Variants in PPP6C observed in about 807,000 individuals in gnomAD.
PPP6C encodes protein phosphatase 6 catalytic subunit, also known as serine/threonine-protein phosphatase 6 catalytic subunit.
In PPP6C, 11 loss-of-function variants were observed where a neutral mutation model predicts 39.8. The ratio of observed to expected loss-of-function variants is 0.28; its 90% CI spans 0.17 to 0.46. The LOEUF (loss-of-function observed/expected upper bound fraction) is 0.46, where lower values mean the gene tolerates loss of function less well. Ranked by LOEUF, PPP6C falls within the 20% of genes least tolerant of loss-of-function variation. PPP6C has a pLI of 1.00. For synonymous variants in PPP6C, 129 were observed against 130.3 expected, an observed-to-expected ratio of 0.99 and a Z score of 0.07; for missense variants, 211 against 373.9, an observed-to-expected ratio of 0.56 and a Z score of 3.59.
In PPP6C at chr9:125,188,970, A is replaced by C. The variant is rs1383624769; in HGVS notation, c.75+674T>G. The C allele has an allele frequency of 2.6e-6, 4 of 1,538,066 alleles. No individual in the cohort carries two copies. In the African/African-American group the frequency reaches 5.5e-5, roughly 21 times the overall value. On this transcript the variant is annotated intron_variant, in intron 1 of 6. Transcript: ENST00000373547. ...ATACTGAGTTAAGAAGGGGTTAAGG[A>C]GAAAGTATTTGTATTTATTGAGAAC...
intron 1 of PPP6C, among the ~76,000 whole-genome samples, chr9:125,181,146 C>T (rs1409418936): frequency 2.0e-5 from 3 of 152,130 alleles, no homozygotes; most frequent in African/African-American, 7.2e-5. Context: ...TCACTATAAA[C>T]GCTACGTGAC....
rs1164707456 is a variant in PPP6C, at chr9:125,153,551, T to G, written c.651A>C (p.Gly217=). The change falls in exon 6 of 7, where the codon GGA becomes GGC. Residue 217 remains glycine, a synonymous_variant. Coordinates refer to ENST00000373547, the MANE Select transcript of PPP6C (RefSeq NM_002721.5). ...GCTTTACCTCATTTGTGACCTTTGCTCCAAAAAGCCAACCTGCTCCTCGGG... is the reference window on the plus strand; with the variant it reads ...GCTTTACCTCATTTGTGACCTTTGCGCCAAAAAGCCAACCTGCTCCTCGGG... The part of the protein sequence containing the change: ...ISPRGAGWLF[G]AKVTNEFVHI... The G allele has an allele frequency of 6.2e-7, 1 of 1,613,970 alleles. No individual in the cohort carries two copies. Among genetic ancestry groups the G allele is most frequent in the Non-Finnish European group, 8.5e-7 (1 of 1,180,018 alleles).
intron 1 of PPP6C, 136 bp downstream of exon 1, chr9:125,189,508 G>A (rs1265996071): frequency 2.5e-5 from 37 of 1,480,276 alleles, no homozygotes; most frequent in Non-Finnish European, 3.1e-5. Context: ...ACGCCGGGTA[G>A]GACCGGGTCG....
At chr9:125,171,502 T>C (rs1462869936) in intron 1 of PPP6C, among the ~76,000 whole-genome samples, 2 of 104,804 alleles carry the variant, frequency 1.9e-5, no homozygotes, top group South Asian at 3.2e-4. Context: ...TATATATATA[T>C]ATATATATAT....
intron 3 of PPP6C, among the ~76,000 whole-genome samples, chr9:125,159,839 T>G (rs1257816176): frequency 2.0e-5 from 3 of 152,124 alleles, no homozygotes; most frequent in Non-Finnish European, 2.9e-5. Context: ...CTGGCCAACA[T>G]AGTGAAATCC....
chr9:125,184,886 G>A (rs1032393117), intron 1 of PPP6C, among the ~76,000 whole-genome samples: 3 of 146,048 alleles, frequency 2.1e-5, no homozygotes, highest in Non-Finnish European at 4.5e-5. Flanking sequence ...AGAACTGCTT[G>A]AACCCAGGAG....
At chr9:125,171,454 CACAT>C (rs1703738722) in intron 1 of PPP6C, among the ~76,000 whole-genome samples, 1 of 81,854 alleles carries the variant, frequency 1.2e-5, no homozygotes, top group Admixed American at 1.6e-4. Context: ...AACACACACA[CACAT>C]ATACACACAC....
chr9:125,178,293 C>T (rs1218184408), intron 1 of PPP6C, among the ~76,000 whole-genome samples: 1 of 152,176 alleles, frequency 6.6e-6, no homozygotes, highest in Non-Finnish European at 1.5e-5. Flanking sequence ...TCCTGTTGCT[C>T]CACATCTTCA....
intron 2 of PPP6C, among the ~76,000 whole-genome samples, chr9:125,162,780 A>C (rs1424551821): frequency 6.6e-6 from 1 of 150,974 alleles, no homozygotes; most frequent in East Asian, 1.9e-4. Flanking sequence ...CGTCTCAAAA[A>C]AAAAAAAAAA....
chr9:125,153,025 C>A (rs897547620), intron 6 of PPP6C, among the ~76,000 whole-genome samples: 15 of 151,962 alleles, frequency 9.9e-5, no homozygotes, highest in African/African-American at 3.6e-4. Context: ...ATAATCCCAG[C>A]ACTTTGGGAG....
At chr9:125,154,881 T>C (rs1268078706) in intron 4 of PPP6C, among the ~76,000 whole-genome samples, 1 of 152,206 alleles carries the variant, frequency 6.6e-6, no homozygotes, top group African/African-American at 2.4e-5. Flanking sequence ...TTGAACACTC[T>C]TTCTGCTGCC....
intron 1 of PPP6C, among the ~76,000 whole-genome samples, chr9:125,181,230 T>C (rs1275938952): frequency 1.3e-5 from 2 of 152,176 alleles, no homozygotes. Context: ...GCTCCTCTCC[T>C]CCCAAACCCT....
Position 125,161,746 on chromosome 9 carries a change from T to C in PPP6C, c.172-840A>G, listed in dbSNP as rs539223080. ...CATGACACCCAAGGATATTTCATCATATTTCTATTTACTGAAATTTGGTAA... is the reference window on the plus strand; with the variant it reads ...CATGACACCCAAGGATATTTCATCACATTTCTATTTACTGAAATTTGGTAA... On this transcript the variant is annotated intron_variant, in intron 2 of 6. Transcript: ENST00000373547. Among the ~76,000 whole-genome samples the C allele has an allele frequency of 3.3e-5, 5 of 152,344 alleles. No individual in the cohort carries two copies. In the South Asian group the frequency reaches 1.0e-3, roughly 32 times the overall value.
chr9:125,150,059 A>G, intron 6 of PPP6C, 138 bp from the exon 7 acceptor site: 1 of 1,197,138 alleles, frequency 8.4e-7, no homozygotes, highest in South Asian at 1.7e-5. Context: ...TATCTCCAAC[A>G]ATTTAATAAG....
intron 1 of PPP6C, among the ~76,000 whole-genome samples, chr9:125,174,790 T>C (rs1829259862): frequency 6.6e-6 from 1 of 152,042 alleles, no homozygotes; most frequent in Non-Finnish European, 1.5e-5. Flanking sequence ...CACGTACCTG[T>C]AATCTCAGCT....
rs1040206243 is a variant in PPP6C at position 125,189,743 on chromosome 9, C to CAGCGGCGGCGGCGGCTGT, written c.-43_-26dup. 9 of 1,562,284 alleles carry CAGCGGCGGCGGCGGCTGT rather than the reference C, an allele frequency of 5.8e-6. No individual in the cohort carries two copies. The Admixed American group carries it at 6.1e-5, about 11-fold the overall frequency. On this transcript the variant is annotated 5_prime_UTR_variant, in exon 1 of 7. Transcript: ENST00000373547. Reference sequence around the variant, plus strand: ...TTTTAAGAATAACAAGCCGCGGCAACAGCGGCGGCGGCGGCTGTAGCAGCG... The same window carrying CAGCGGCGGCGGCGGCTGT: ...TTTTAAGAATAACAAGCCGCGGCAACAGCGGCGGCGGCGGCTGTAGCGGCGGCGGCGGCTGTAGCAGCG...
At chr9:125,171,478 CATATATATATATATATATATATATAT>C (rs59002869) in intron 1 of PPP6C, among the ~76,000 whole-genome samples, 3 of 83,512 alleles carry the variant, frequency 3.6e-5, no homozygotes, top group East Asian at 6.3e-4. Flanking sequence ...CACACACACA[CATATATATATATATATATATATATAT>C]ATATATATAT....
rs780680411 is a variant in PPP6C at position 125,158,347 on chromosome 9, C to T, written c.273G>A (p.Glu91=). ...TTAATGCAAGAAGGTAAGTGAAGGT[C>T]TCCAAACTATAGTAACCTCTGTCTA... ...DFVDRGYYSL[E]TFTYLLALKA... The change falls in exon 4 of 7, where the codon GAG becomes GAA. Residue 91 remains glutamate (E), a synonymous_variant. Coordinates refer to ENST00000373547, the MANE Select transcript of PPP6C (RefSeq NM_002721.5). 6.2e-7 allele frequency: 1 copy of T among 1,613,624 alleles called. No individual in the cohort carries two copies. Among genetic ancestry groups the T allele is most frequent in the Admixed American group, 1.7e-5 (1 of 60,000 alleles).
chr9:125,179,180 A>C (rs1437817069), intron 1 of PPP6C, among the ~76,000 whole-genome samples: 1 of 148,378 alleles, frequency 6.7e-6, no homozygotes, highest in Non-Finnish European at 1.5e-5. Flanking sequence ...GCGCCACTGC[A>C]CTCCAGCCTA....
Sources: gnomAD v4.1 joint callset for allele counts (sites outside exome capture counted in the v4.1 genomes callset) on GRCh38, gnomAD v4.1.1 for gene constraint, MANE v1.5 for transcripts, NCBI Gene and HGNC (gene_info 2026-07-23, HGNC 2026-07-21) for gene names.